KCNJ6: variants seen among roughly 807,000 people sequenced by gnomAD.
KCNJ6 encodes potassium inwardly rectifying channel subfamily J member 6.
Under a neutral mutation model 34.2 loss-of-function variants are expected in KCNJ6, and 9 were observed. The ratio of observed to expected loss-of-function variants is 0.26; its 90% confidence interval spans 0.16 to 0.46. The LOEUF is 0.46. Ranked by LOEUF, KCNJ6 falls within the 20% of genes least tolerant of loss-of-function variation. KCNJ6 has a pLI of 1.00. For missense variants in KCNJ6, 236 were observed against 531.3 expected (o/e 0.44, Z 5.46); for synonymous variants, 196 against 207.1 (o/e 0.95, Z 0.46).
intron 3 of KCNJ6, among the ~76,000 whole-genome samples, chr21:37,677,069 A>T (rs1268670059): frequency 1.3e-5 from 2 of 152,224 alleles, no homozygotes; most frequent in Non-Finnish European, 2.9e-5. Flanking sequence ...CAGTGGCAGA[A>T]ATCGATAATT....
chr21:37,751,233 C>T (rs548814378), intron 2 of KCNJ6, among the ~76,000 whole-genome samples: 6 of 152,322 alleles, frequency 3.9e-5, no homozygotes, highest in African/African-American at 1.4e-4. Context: ...TGAGAATCTG[C>T]TAATTTTCCA....
chr21:37,757,624 GTGA>G (rs1291458282), intron 2 of KCNJ6, among the ~76,000 whole-genome samples: 2 of 142,100 alleles, frequency 1.4e-5, no homozygotes, highest in Non-Finnish European at 3.1e-5. Flanking sequence ...CCCTCACAGT[GTGA>G]TGATTCCAGC....
intron 2 of KCNJ6, among the ~76,000 whole-genome samples, chr21:37,833,710 G>A (rs147518825): frequency 2.0e-5 from 3 of 152,278 alleles, no homozygotes; most frequent in African/African-American, 4.8e-5. Flanking sequence ...AGATGTTTTT[G>A]TTATTGCAAC....
At chr21:37,738,680 C>A (rs2054925276) in intron 2 of KCNJ6, among the ~76,000 whole-genome samples, 1 of 152,136 alleles carries the variant, frequency 6.6e-6, no homozygotes, top group Non-Finnish European at 1.5e-5. Flanking sequence ...TCTATTTATA[C>A]CCCTTTCCCT....
chr21:37,739,567 C>T (rs1260067892), intron 2 of KCNJ6, among the ~76,000 whole-genome samples: 5 of 152,166 alleles, frequency 3.3e-5, no homozygotes, highest in East Asian at 1.9e-4. Flanking sequence ...TGCTGATAAA[C>T]GTGTGTAAAT....
In KCNJ6 at chr21:37,630,011, G is replaced by A. The variant is rs147835815; in HGVS notation, c.947-4527C>T. Among the ~76,000 whole-genome samples, 810 of 152,140 alleles carry A rather than the reference G, an allele frequency of 5.3e-3. 7 individuals carry two copies. Among genetic ancestry groups the A allele is most frequent in the African/African-American group, 0.017 (712 of 41,496 alleles). ...TTCTTCAGAAAAATTCCTGTCTTAC[G>A]TATTGACTTAGGTCCCAGTCCAGTC... is the stretch of plus-strand genomic sequence containing the variant. On this transcript the variant is annotated intron_variant, in intron 3 of 3. Transcript: ENST00000609713.
intron 2 of KCNJ6, among the ~76,000 whole-genome samples, chr21:37,793,028 C>T (rs1183511126): frequency 1.3e-5 from 2 of 152,152 alleles, no homozygotes; most frequent in Admixed American, 1.3e-4. Flanking sequence ...GATCCTAGGG[C>T]TTGTCAACTC....
At chr21:37,818,390 G>C (rs759740911) in intron 2 of KCNJ6, among the ~76,000 whole-genome samples, 12 of 152,104 alleles carry the variant, frequency 7.9e-5, no homozygotes, top group Non-Finnish European at 1.2e-4. Flanking sequence ...GGACTAATGA[G>C]GCAACTTAAT....
intron 1 of KCNJ6, among the ~76,000 whole-genome samples, chr21:37,870,593 G>GT (rs59194229): frequency 6.6e-5 from 10 of 150,706 alleles, no homozygotes; most frequent in South Asian, 2.1e-4. Flanking sequence ...TCAAAATTTT[G>GT]TTTTTTTTGG....
At chr21:37,788,388 A>G (rs1024983843) in intron 2 of KCNJ6, among the ~76,000 whole-genome samples, 1 of 152,156 alleles carries the variant, frequency 6.6e-6, no homozygotes, top group Admixed American at 6.5e-5. Flanking sequence ...TAAAATACTG[A>G]TTATAATGTC....
At chr21:37,818,207 C>CGTGTGTGTGTGTGTGTGTGT (rs1281572811) in intron 2 of KCNJ6, among the ~76,000 whole-genome samples, 45 of 81,040 alleles carry the variant, frequency 5.6e-4, no homozygotes, top group African/African-American at 2.3e-3. Context: ...TGTGTGTGTG[C>CGTGTGTGTGTGTGTGTGTGT]GTGCGTGTGT....
chr21:37,758,836 T>A (rs928783511), intron 2 of KCNJ6, among the ~76,000 whole-genome samples: 7 of 152,138 alleles, frequency 4.6e-5, no homozygotes, highest in African/African-American at 1.7e-4. Flanking sequence ...TTGCTGTGTT[T>A]CCCAGGCTGG....
chr21:37,800,794 C>T (rs1033632418), intron 2 of KCNJ6, among the ~76,000 whole-genome samples: 4 of 152,212 alleles, frequency 2.6e-5, no homozygotes, highest in Non-Finnish European at 4.4e-5. Flanking sequence ...ATGTACCCCC[C>T]GCCAAGAGGG....
At chr21:37,751,681 G>A (rs1260615958) in intron 2 of KCNJ6, among the ~76,000 whole-genome samples, 1 of 152,218 alleles carries the variant, frequency 6.6e-6, no homozygotes, top group Non-Finnish European at 1.5e-5. Context: ...AAAGTGATCC[G>A]GGCACTTTGT....
intron 1 of KCNJ6, among the ~76,000 whole-genome samples, chr21:37,886,936 T>G (rs1463289579): frequency 3.3e-5 from 5 of 151,786 alleles, no homozygotes; most frequent in Admixed American, 1.3e-4. Flanking sequence ...AACCTTGTTT[T>G]TTTTTTTTTT....
rs1219951205 is a variant in KCNJ6, at chr21:37,609,490, C to T, written c.*15669G>A. On this transcript the variant is annotated 3_prime_UTR_variant, in exon 4 of 4. Transcript: ENST00000609713. ...CTATCCTAAGAAATAGCTCACAGAA[C>T]AACCCTATATTTTACTGGGCCATAG... is the stretch of plus-strand genomic sequence containing the variant. The T allele has an allele frequency of 6.6e-6, 1 of 152,172 alleles. No homozygotes were observed. Among genetic ancestry groups the T allele is most frequent in the Non-Finnish European group, 1.5e-5 (1 of 68,030 alleles). 9.4% of individuals were successfully genotyped at this position (152,172 alleles called of 1,614,324 possible).
chr21:37,656,897 A>G (rs1304026087), intron 3 of KCNJ6, among the ~76,000 whole-genome samples: 2 of 152,154 alleles, frequency 1.3e-5, no homozygotes, highest in Non-Finnish European at 2.9e-5. Context: ...AGAAGTTGGC[A>G]CCCCAGCGCC....
chr21:37,655,240 AGAGAGAGAGAGAGAG>A (rs2054457286), intron 3 of KCNJ6, among the ~76,000 whole-genome samples: 6 of 8,874 alleles, frequency 6.8e-4, no homozygotes, highest in South Asian at 4.3e-3. Flanking sequence ...AGAGAGAGAG[AGAGAGAGAGAGAGAG>A]AGAGAGAGAG....
rs1442715849 is a variant in KCNJ6, at chr21:37,870,335, T to A, written c.-27-29626A>T. Among the ~76,000 whole-genome samples, 4 of 151,876 alleles carry A rather than the reference T, an allele frequency of 2.6e-5. No individual in the cohort carries two copies. In the East Asian group the frequency reaches 7.8e-4, roughly 30 times the overall value. On this transcript the variant is annotated intron_variant, in intron 1 of 3. Transcript: ENST00000609713. ...AGCAATATGCCATCAATAGCCAGCATTAAACAGAGATCGCAGGAGTGGAAC... is the reference window on the plus strand; with the variant it reads ...AGCAATATGCCATCAATAGCCAGCAATAAACAGAGATCGCAGGAGTGGAAC...
Sources: gnomAD v4.1 joint callset for allele counts (sites outside exome capture counted in the v4.1 genomes callset) on GRCh38, gnomAD v4.1.1 for gene constraint, MANE v1.5 for transcripts, NCBI Gene and HGNC (gene_info 2026-07-23, HGNC 2026-07-21) for gene names.